Variants in HS6ST3 observed in about 807,000 individuals in gnomAD.
HS6ST3 encodes heparan-sulfate 6-O-sulfotransferase 3.
HS6ST3 carries 12 observed loss-of-function variants against 36.7 expected under a neutral mutation model. The ratio of observed to expected loss-of-function variants is 0.33; its 90% confidence interval spans 0.21 to 0.53. The LOEUF (loss-of-function observed/expected upper bound fraction) is 0.53. Ranked by LOEUF, HS6ST3 falls within the 20% of genes least tolerant of loss-of-function variation. The pLI, the probability that HS6ST3 is intolerant of heterozygous loss-of-function variation, is 0.95. For missense variants in HS6ST3, 584 were observed against 640.9 expected, an observed-to-expected ratio of 0.91 and a Z score of 0.96; for synonymous variants, 240 against 257.5, an observed-to-expected ratio of 0.93 and a Z score of 0.65.
At chr13:96,317,406 A>G (rs2054981226) in intron 1 of HS6ST3, among the ~76,000 whole-genome samples, 1 of 143,666 alleles carries the variant, frequency 7.0e-6, no homozygotes, top group Non-Finnish European at 1.5e-5. Context: ...CATGGAATAT[A>G]TATATATATA....
intron 1 of HS6ST3, among the ~76,000 whole-genome samples, chr13:96,167,190 T>C (rs1338944172): frequency 6.6e-6 from 1 of 152,140 alleles, no homozygotes; most frequent in Non-Finnish European, 1.5e-5. Context: ...TTATTTCCAG[T>C]TTTCCAAACA....
rs537606212 is a variant in HS6ST3, at chr13:96,547,802, A to T, written c.708-284688A>T. ...GGGGAAGGTTCCAGTTTTAGTGCTT[A>T]GCATTGCTTGGTCTGTAGTTTGTTC... On this transcript the variant is annotated intron_variant, in intron 1 of 1. Coordinates refer to ENST00000376705, the MANE Select transcript of HS6ST3 (RefSeq NM_153456.4). Among the ~76,000 whole-genome samples, 37 of 152,212 alleles carry T rather than the reference A, an allele frequency of 2.4e-4. No homozygotes were observed. In the East Asian group the frequency reaches 5.2e-3, roughly 21 times the overall value.
chr13:96,453,591 C>G (rs1242515476), intron 1 of HS6ST3, among the ~76,000 whole-genome samples: 2 of 152,118 alleles, frequency 1.3e-5, no homozygotes, highest in Non-Finnish European at 2.9e-5. Context: ...CTAGGTAGTA[C>G]ACCCATGGTG....
chr13:96,567,983 T>C (rs2056287712), intron 1 of HS6ST3, among the ~76,000 whole-genome samples: 1 of 152,226 alleles, frequency 6.6e-6, no homozygotes, highest in East Asian at 1.9e-4. Flanking sequence ...CATGTAATTA[T>C]GGGCATATAA....
At chr13:96,729,367 T>A (rs1008041605) in intron 1 of HS6ST3, among the ~76,000 whole-genome samples, 3 of 152,114 alleles carry the variant, frequency 2.0e-5, no homozygotes, top group African/African-American at 7.2e-5. Flanking sequence ...GCATGGGCCA[T>A]CCTATACCCT....
At chr13:96,107,304 A>G (rs955290558) in intron 1 of HS6ST3, among the ~76,000 whole-genome samples, 2 of 152,182 alleles carry the variant, frequency 1.3e-5, no homozygotes, top group African/African-American at 2.4e-5. Context: ...AGTGGAGACT[A>G]TTCCTTGTAT....
At chr13:96,228,775 A>T (rs181230809) in intron 1 of HS6ST3, among the ~76,000 whole-genome samples, 5 of 152,296 alleles carry the variant, frequency 3.3e-5, no homozygotes, top group African/African-American at 1.2e-4. Context: ...GATGGAGGAA[A>T]AGTCAGTCAC....
At chr13:96,147,554 C>T (rs2139321143) in intron 1 of HS6ST3, among the ~76,000 whole-genome samples, 1 of 152,328 alleles carries the variant, frequency 6.6e-6, no homozygotes, top group Non-Finnish European at 1.5e-5. Context: ...CAACCCCTGG[C>T]TGCATGGGTT....
chr13:96,389,437 A>G (rs1195309589), intron 1 of HS6ST3, among the ~76,000 whole-genome samples: 3 of 152,178 alleles, frequency 2.0e-5, no homozygotes, highest in Admixed American at 6.5e-5. Flanking sequence ...TATGTATATC[A>G]AGTTGATATA....
chr13:96,532,627 G>A (rs79612140), intron 1 of HS6ST3, among the ~76,000 whole-genome samples: 1 of 152,296 alleles, frequency 6.6e-6, no homozygotes, highest in Non-Finnish European at 1.5e-5. Flanking sequence ...TGAGAATGAG[G>A]CTGCAGGAGA....
In HS6ST3 at chr13:96,799,998, GTA is replaced by G. The variant is rs374525350; in HGVS notation, c.708-32478_708-32477del. 5.2e-3 allele frequency among the ~76,000 whole-genome samples: 389 copies of G among 74,842 alleles called. 11 individuals carry two copies. Among genetic ancestry groups the G allele is most frequent in the African/African-American group, 0.012 (137 of 11,010 alleles). The allele number at this position is 74,842 out of a possible 152,430, so 49.1% of individuals were successfully genotyped here. On this transcript the variant is annotated intron_variant, in intron 1 of 1. Transcript: ENST00000376705. Reference sequence around the variant, plus strand: ...TATATATATGTATATATATATATATGTATATATATATATATGTATATATATAT... The same window carrying G: ...TATATATATGTATATATATATATATGTATATATATATATGTATATATATAT...
intron 1 of HS6ST3, among the ~76,000 whole-genome samples, chr13:96,729,683 T>C (rs1458595405): frequency 1.3e-5 from 2 of 152,048 alleles, no homozygotes; most frequent in African/African-American, 4.8e-5. Flanking sequence ...GCCAGGCTGG[T>C]CTCAAACTCC....
Position 96,657,641 on chromosome 13 carries a change from G to A in HS6ST3, c.708-174849G>A, listed in dbSNP as rs550536005. ...GTGATCATGGTCTACACATGCCATT[G>A]GTTGCTTTTTCAGAAGAGCTTTTGT... On this transcript the variant is annotated intron_variant, in intron 1 of 1. Coordinates refer to ENST00000376705, the MANE Select transcript of HS6ST3 (RefSeq NM_153456.4). 7.6e-4 allele frequency among the ~76,000 whole-genome samples: 115 copies of A among 152,254 alleles called. 2 individuals carry two copies. The highest frequency in any genetic ancestry group is 3.4e-3 in the Middle Eastern group (1 of 294).
At chr13:96,483,110 A>G (rs987965176) in intron 1 of HS6ST3, among the ~76,000 whole-genome samples, 2 of 152,240 alleles carry the variant, frequency 1.3e-5, no homozygotes, top group African/African-American at 4.8e-5. Context: ...CATTCATGAA[A>G]GTATAAAAGC....
intron 1 of HS6ST3, among the ~76,000 whole-genome samples, chr13:96,107,079 C>A (rs183085790): frequency 3.0e-4 from 45 of 152,246 alleles, no homozygotes; most frequent in Non-Finnish European, 4.9e-4. Flanking sequence ...TGCAAGGGAA[C>A]ATTTTAGTGC....
intron 1 of HS6ST3, among the ~76,000 whole-genome samples, chr13:96,623,879 A>G (rs1041127829): frequency 1.3e-5 from 2 of 152,180 alleles, no homozygotes; most frequent in African/African-American, 4.8e-5. Flanking sequence ...AATTTAGTTC[A>G]ATTCAACAAG....
At chr13:96,676,718 C>T (rs1313354315) in intron 1 of HS6ST3, among the ~76,000 whole-genome samples, 1 of 152,092 alleles carries the variant, frequency 6.6e-6, no homozygotes, top group African/African-American at 2.4e-5. Context: ...TATTTATGAA[C>T]ATGTTCCTCA....
At chr13:96,743,693 T>A (rs764454193) in intron 1 of HS6ST3, among the ~76,000 whole-genome samples, 3 of 152,050 alleles carry the variant, frequency 2.0e-5, no homozygotes, top group Admixed American at 1.3e-4. Context: ...CTTTCTTAGA[T>A]TGACAATGAG....
chr13:96,162,787 ATGTTTTG>A (rs760746316), intron 1 of HS6ST3, among the ~76,000 whole-genome samples: 69 of 152,100 alleles, frequency 4.5e-4, no homozygotes, highest in Non-Finnish European at 8.8e-4. Context: ...GTTCTTTTTC[ATGTTTTG>A]TGTTTTGTGT....
Sources: allele counts gnomAD v4.1 joint callset (sites outside exome capture counted in the v4.1 genomes callset), GRCh38; gene constraint gnomAD v4.1.1; transcripts MANE v1.5; gene names NCBI Gene and HGNC (gene_info 2026-07-23, HGNC 2026-07-21).